Variants in ARAP1 observed in about 807,000 individuals in gnomAD.
ARAP1 encodes the protein arf-GAP with Rho-GAP domain, ANK repeat and PH domain-containing protein 1.
ARAP1 carries 76 observed loss-of-function variants against 172.2 expected under a neutral mutation model. The ratio of observed to expected loss-of-function variants is 0.44; its 90% CI spans 0.37 to 0.53. The LOEUF is 0.53. ARAP1 is among the 20% of genes least tolerant of loss of function. The pLI, the probability that ARAP1 is intolerant of heterozygous loss-of-function variation, is 0.00. For synonymous variants in ARAP1, 804 were observed against 803.3 expected, an observed-to-expected ratio of 1.00 and a Z score of -0.01; for missense variants, 1,686 against 1,977.5, an observed-to-expected ratio of 0.85 and a Z score of 2.80.
At chr11:72,722,833 C>A (rs1857570466) in intron 3 of ARAP1, among the ~76,000 whole-genome samples, 1 of 152,184 alleles carries the variant, frequency 6.6e-6, no homozygotes, top group Non-Finnish European at 1.5e-5. Context: ...ACCCCTCTGC[C>A]ACCCTCAGGG....
At chr11:72,701,838 C>G in intron 15 of ARAP1, 55 bp from the exon 16 acceptor site, 1 of 1,590,358 alleles carries the variant, frequency 6.3e-7, no homozygotes, top group Non-Finnish European at 8.6e-7. Context: ...GAGGGTGTCC[C>G]CACCTCACTC....
intron 23 of ARAP1, 73 bp downstream of exon 23, chr11:72,696,476 T>G: frequency 8.1e-7 from 1 of 1,229,962 alleles, no homozygotes; most frequent in East Asian, 2.6e-5. Context: ...CAGAGGAGGG[T>G]AGTCAGCCAG....
chr11:72,696,412 C>T lies in ARAP1; in HGVS notation c.3272+137G>A, dbSNP rs116742221. 478 of 610,754 alleles carry T rather than the reference C, an allele frequency of 7.8e-4. 1 individual carries two copies. The African/African-American group carries it at 7.9e-3, about 10-fold the overall frequency. 37.8% of individuals were successfully genotyped at this position (610,754 alleles called of 1,614,324 possible). A position where few individuals can be genotyped will look rare whatever the true frequency, so the allele number is the denominator to read the frequency against. On this transcript the variant is annotated intron_variant, in intron 23 of 34. Coordinates refer to ENST00000393609, the MANE Select transcript of ARAP1 (RefSeq NM_001040118.3). ...CTGGGGAACCCTGCTCTACAAATAT[C>T]CAATGTTAGGGCAGATCACAGTCAG...
intron 11 of ARAP1, among the ~76,000 whole-genome samples, chr11:72,709,599 G>A (rs567220762): frequency 6.3e-4 from 95 of 151,830 alleles, no homozygotes; most frequent in Middle Eastern, 6.8e-3. Context: ...GGGGCAGTGG[G>A]AGCAGGAGGC....
intron 1 of ARAP1, among the ~76,000 whole-genome samples, chr11:72,736,882 C>T (rs1350101536): frequency 6.6e-6 from 1 of 152,206 alleles, no homozygotes; most frequent in Non-Finnish European, 1.5e-5. Context: ...ATACCCCAAC[C>T]CCCAGCCAGG....
chr11:72,722,682 A>G (rs559192656), intron 3 of ARAP1, among the ~76,000 whole-genome samples: 1 of 152,222 alleles, frequency 6.6e-6, no homozygotes, highest in African/African-American at 2.4e-5. Flanking sequence ...GTGTGGCTCC[A>G]GCTGGGCAGC....
At chr11:72,690,917 G>A (rs772515186) in intron 30 of ARAP1, among the ~76,000 whole-genome samples, 2 of 152,198 alleles carry the variant, frequency 1.3e-5, no homozygotes, top group South Asian at 2.1e-4. Context: ...CAAATATTCT[G>A]TCCTACTGCC....
chr11:72,732,103 A>G (rs890099134), intron 2 of ARAP1, among the ~76,000 whole-genome samples: 12 of 152,234 alleles, frequency 7.9e-5, no homozygotes, highest in African/African-American at 2.9e-4. Context: ...GACAGGAGAC[A>G]CTATACCCTT....
intron 3 of ARAP1, 59 bp from the exon 4 acceptor site, chr11:72,714,380 T>C: frequency 6.7e-7 from 1 of 1,502,040 alleles, no homozygotes; most frequent in Non-Finnish European, 8.9e-7. Context: ...TGAAACATAC[T>C]GAGCCCCCAG....
At chr11:72,720,690 C>T (rs1003095936) in intron 3 of ARAP1, among the ~76,000 whole-genome samples, 1 of 152,224 alleles carries the variant, frequency 6.6e-6, no homozygotes, top group Non-Finnish European at 1.5e-5. Flanking sequence ...GCTCTCAGCA[C>T]TTCTCCCTGG....
rs185038678 is a variant in ARAP1 at position 72,732,495 on chromosome 11, C to G, written c.-45+20G>C. The G allele has an allele frequency of 6.5e-6, 1 of 152,704 alleles. No individual in the cohort carries two copies. Among genetic ancestry groups the G allele is most frequent in the East Asian group, 1.9e-4 (1 of 5,192 alleles). The allele number at this position is 152,704 out of a possible 1,614,324, so 9.5% of individuals were successfully genotyped here. On this transcript the variant is annotated intron_variant, in intron 2 of 34. Transcript: ENST00000393609. ...GTGCCACAGCCAGCCCTGTTCCCAC[C>G]GCTCCACCTCCTGACTCACCAGCTG...
intron 2 of ARAP1, among the ~76,000 whole-genome samples, chr11:72,729,918 G>A (rs1857807615): frequency 9.5e-6 from 1 of 105,812 alleles, no homozygotes; most frequent in Non-Finnish European, 1.8e-5. Context: ...GAGTGAGACT[G>A]TCTCTAAAAA....
Position 72,699,569 on chromosome 11 carries a change from CA to C in ARAP1, c.2303-18del, listed in dbSNP as rs759770965. 6.2e-7 allele frequency: 1 copy of C among 1,606,936 alleles called. No homozygotes were observed. Among genetic ancestry groups the C allele is most frequent in the East Asian group, 2.2e-5 (1 of 44,514 alleles). On this transcript the variant is annotated intron_variant, in intron 16 of 34. Coordinates refer to ENST00000393609, the MANE Select transcript of ARAP1 (RefSeq NM_001040118.3). The surrounding 1 kb of genome is among the most constrained non-coding windows in gnomAD (Gnocchi z 4.2). ...GGCTGAACTCTGGGGAGAATTTGGG[CA>C]GGGGAGCCATCAGGGAGCCCCCCAC...
intron 1 of ARAP1, among the ~76,000 whole-genome samples, chr11:72,746,355 C>T (rs1858365003): frequency 6.6e-6 from 1 of 152,188 alleles, no homozygotes; most frequent in Non-Finnish European, 1.5e-5. Context: ...GCACCCGGCA[C>T]CTGGAGACCA....
rs1349560858 is a variant in ARAP1, at chr11:72,699,705, C to A, written c.2303-153G>T. Among the ~76,000 whole-genome samples the A allele has an allele frequency of 1.3e-5, 2 of 152,202 alleles. No homozygotes were observed. Among genetic ancestry groups the A allele is most frequent in the African/African-American group, 2.4e-5 (1 of 41,436 alleles). ...ATCCATCCACCTCTCTGCATCCCCACCACGCTAGCCAGCCCACAAGTCATC... is the reference window on the plus strand; with the variant it reads ...ATCCATCCACCTCTCTGCATCCCCAACACGCTAGCCAGCCCACAAGTCATC... On this transcript the variant is annotated intron_variant, in intron 16 of 34. Coordinates refer to ENST00000393609, the MANE Select transcript of ARAP1 (RefSeq NM_001040118.3). The surrounding 1 kb of genome is among the most constrained non-coding windows in gnomAD (Gnocchi z 4.2).
intron 2 of ARAP1, among the ~76,000 whole-genome samples, chr11:72,728,706 T>C (rs188311626): frequency 9.3e-4 from 141 of 152,146 alleles, no homozygotes; most frequent in African/African-American, 3.3e-3. Context: ...CATCACAAAA[T>C]AGAAAACACC....
At chr11:72,735,239 C>G (rs1857984394) in intron 1 of ARAP1, among the ~76,000 whole-genome samples, 1 of 152,084 alleles carries the variant, frequency 6.6e-6, no homozygotes, top group Admixed American at 6.5e-5. Context: ...GCCTCTGCCT[C>G]CCAAAGTGCT....
In ARAP1 at chr11:72,726,546, A is replaced by C. The variant is rs1857696721; in HGVS notation, c.509+74T>G. The C allele has an allele frequency of 1.4e-6, 2 of 1,435,058 alleles. No homozygotes were observed. Among genetic ancestry groups the C allele is most frequent in the Admixed American group, 2.8e-5 (1 of 36,144 alleles). The allele number at this position is 1,435,058 out of a possible 1,614,324, so 88.9% of individuals were successfully genotyped here. A position where few individuals can be genotyped will look rare whatever the true frequency, so the allele number is the denominator to read the frequency against. ...AGTGCCTTTCTTACCCCAGCACCAA[A>C]GGCCACAAACTCCCCATCTACCCTC... On this transcript the variant is annotated intron_variant, in intron 3 of 34. Transcript: ENST00000393609. This position sits in a 1 kb window ranked among gnomAD's most constrained non-coding sequence, Gnocchi z 6.5.
chr11:72,712,988 C>A, intron 5 of ARAP1, 188 bp downstream of exon 5: 1 of 661,016 alleles, frequency 1.5e-6, no homozygotes, highest in South Asian at 1.9e-5. Context: ...GAGCCCCGAC[C>A]CCTGGCCCAG....
Sources: gnomAD v4.1 joint callset for allele counts (sites outside exome capture counted in the v4.1 genomes callset) on GRCh38, gnomAD v4.1.1 for gene constraint, Gnocchi (gnomAD v3.1) non-coding constraint, MANE v1.5 for transcripts, NCBI Gene and HGNC (gene_info 2026-07-23, HGNC 2026-07-21) for gene names.